FGGY: variants seen among roughly 807,000 people sequenced by gnomAD.
FGGY encodes FGGY carbohydrate kinase domain containing, also known as FGGY carbohydrate kinase domain-containing protein.
FGGY carries 72 observed loss-of-function variants against 71.3 expected under a neutral mutation model. That is an observed-to-expected ratio of 1.01 (90% confidence interval 0.84 to 1.23). The LOEUF is 1.23. Ranked by LOEUF, FGGY falls within the 50% of genes most tolerant of loss-of-function variation. The probability of loss-of-function intolerance (pLI) is 0.00; values close to 1 mark genes in which losing one functional copy is unlikely to be tolerated. For missense variants in FGGY, 668 were observed against 682.3 expected (o/e 0.98, Z 0.23); for synonymous variants, 251 against 250.3 (o/e 1.00, Z -0.02).
intron 6 of FGGY, among the ~76,000 whole-genome samples, chr1:59,499,299 G>GT (rs58170089): frequency 0.064 from 6,727 of 105,808 alleles, 590 homozygotes; most frequent in Middle Eastern, 0.15. Context: ...TACTATGTTT[G>GT]TTTTTTTTTT....
intron 10 of FGGY, among the ~76,000 whole-genome samples, chr1:59,630,885 T>A (rs2096901999): frequency 6.6e-6 from 1 of 152,192 alleles, no homozygotes; most frequent in East Asian, 1.9e-4. Context: ...TATTTCTCCT[T>A]CTGTTTAGAG....
chr1:59,437,581 G>C (rs1163582622), intron 5 of FGGY, among the ~76,000 whole-genome samples: 6 of 152,206 alleles, frequency 3.9e-5, no homozygotes. Context: ...TTAGGGAAGT[G>C]CTTAACTCAT....
intron 14 of FGGY, among the ~76,000 whole-genome samples, chr1:59,721,333 C>CTTTTTTTTT (rs1193468922): frequency 8.7e-5 from 6 of 68,586 alleles, no homozygotes; most frequent in African/African-American, 3.3e-4. Context: ...CTTTTCTTTC[C>CTTTTTTTTT]TTTGTTTTTT....
At chr1:59,632,920 C>G (rs529506521) in intron 10 of FGGY, among the ~76,000 whole-genome samples, 2 of 151,350 alleles carry the variant, frequency 1.3e-5, no homozygotes, top group African/African-American at 2.4e-5. Flanking sequence ...CCATGGTATA[C>G]AAAGATAATC....
intron 5 of FGGY, among the ~76,000 whole-genome samples, chr1:59,446,292 C>T (rs1187256305): frequency 2.0e-5 from 3 of 151,998 alleles, no homozygotes; most frequent in African/African-American, 4.8e-5. Context: ...GGGAAAATTC[C>T]CTCAACTCGA....
chr1:59,358,787 A>G (rs778154923), intron 4 of FGGY, among the ~76,000 whole-genome samples: 3 of 152,240 alleles, frequency 2.0e-5, no homozygotes, highest in Non-Finnish European at 1.5e-5. Flanking sequence ...TGCTATCTAC[A>G]TACATGGCCA....
intron 6 of FGGY, among the ~76,000 whole-genome samples, chr1:59,502,753 G>C (rs1242255467): frequency 6.6e-6 from 1 of 152,160 alleles, no homozygotes; most frequent in Non-Finnish European, 1.5e-5. Context: ...GTTGACTCCA[G>C]GGAAGCCACC....
Position 59,417,929 on chromosome 1 carries a change from T to A in FGGY, c.555-39032T>A, listed in dbSNP as rs185086390. ...TTGCTGTGTGTGGATAGTGGCTATGTTATTGGACAGTTGCAGATAAAGATA... is the reference window on the plus strand; with the variant it reads ...TTGCTGTGTGTGGATAGTGGCTATGATATTGGACAGTTGCAGATAAAGATA... On this transcript the variant is annotated intron_variant, in intron 5 of 15. Transcript: ENST00000303721. 7.3e-3 allele frequency among the ~76,000 whole-genome samples: 1,117 copies of A among 152,292 alleles called. 23 individuals are homozygous for A. Among genetic ancestry groups the A allele is most frequent in the African/African-American group, 0.025 (1,052 of 41,558 alleles).
intron 6 of FGGY, among the ~76,000 whole-genome samples, chr1:59,499,525 G>A (rs1306235984): frequency 6.6e-6 from 1 of 151,926 alleles, no homozygotes; most frequent in African/African-American, 2.4e-5. Flanking sequence ...TACTAGAGTT[G>A]ACCATGAGAA....
chr1:59,645,328 G>A (rs747701065), intron 11 of FGGY, among the ~76,000 whole-genome samples: 69 of 152,228 alleles, frequency 4.5e-4, no homozygotes, highest in Non-Finnish European at 9.4e-4. Flanking sequence ...CTGCTTGGTG[G>A]CCTTTACTTG....
chr1:59,547,261 C>T (rs1048273818), intron 7 of FGGY, among the ~76,000 whole-genome samples: 9 of 152,098 alleles, frequency 5.9e-5, no homozygotes, highest in African/African-American at 1.9e-4. Context: ...ACCTTTTTGA[C>T]TGTTTTACTC....
chr1:59,308,907 A>G (rs997414248), intron 1 of FGGY, among the ~76,000 whole-genome samples: 3 of 152,160 alleles, frequency 2.0e-5, no homozygotes, highest in African/African-American at 7.2e-5. Flanking sequence ...TTCTCATTCA[A>G]CAGCTACTGA....
At chr1:59,613,526 A>G (rs1265750767) in intron 9 of FGGY, among the ~76,000 whole-genome samples, 1 of 152,226 alleles carries the variant, frequency 6.6e-6, no homozygotes, top group Non-Finnish European at 1.5e-5. Flanking sequence ...ATAGCACTAA[A>G]TGCCCACAAG....
intron 7 of FGGY, among the ~76,000 whole-genome samples, chr1:59,537,435 C>T (rs912140582): frequency 2.8e-4 from 43 of 152,144 alleles, no homozygotes; most frequent in African/African-American, 9.2e-4. Context: ...AGGTAATTTA[C>T]AGATTCAATG....
At chr1:59,305,126 C>T (rs80121543) in intron 1 of FGGY, among the ~76,000 whole-genome samples, 5,476 of 152,190 alleles carry the variant, frequency 0.036, 304 homozygotes, top group African/African-American at 0.12. Flanking sequence ...TGGGCATTCT[C>T]TCTTGTTCCT....
chr1:59,325,101 C>T (rs1267349967), intron 2 of FGGY, among the ~76,000 whole-genome samples: 4 of 152,194 alleles, frequency 2.6e-5, no homozygotes, highest in Non-Finnish European at 5.9e-5. Flanking sequence ...CGCCTGTAAT[C>T]CCAGCACTTT....
At chr1:59,631,091 G>A (rs55983802) in intron 10 of FGGY, among the ~76,000 whole-genome samples, 1,886 of 152,110 alleles carry the variant, frequency 0.012, 20 homozygotes, top group Non-Finnish European at 0.021. Flanking sequence ...CAGCAGCATG[G>A]GGCATCAGTG....
chr1:59,588,047 A>G (rs1011125881), intron 8 of FGGY, among the ~76,000 whole-genome samples: 1 of 152,212 alleles, frequency 6.6e-6, no homozygotes, highest in African/African-American at 2.4e-5. Context: ...AAACTTTGAA[A>G]AAAATTCAGA....
intron 14 of FGGY, among the ~76,000 whole-genome samples, chr1:59,728,211 A>C (rs2097973169): frequency 6.6e-6 from 1 of 151,960 alleles, no homozygotes; most frequent in Non-Finnish European, 1.5e-5. Context: ...TTTTTTTAAA[A>C]GGTAGTAATG....
Sources: gnomAD v4.1 joint callset for allele counts (sites outside exome capture counted in the v4.1 genomes callset) on GRCh38, gnomAD v4.1.1 for gene constraint, MANE v1.5 for transcripts, NCBI Gene and HGNC (gene_info 2026-07-23, HGNC 2026-07-21) for gene names.